The following VAPB variants were observed in gnomAD, a reference collection of about 807,000 sequenced individuals.
VAPB encodes the protein vesicle-associated membrane protein-associated protein B/C.
In VAPB, 7 loss-of-function variants were observed where a neutral mutation model predicts 25.6. That is an observed-to-expected ratio of 0.27 (90% CI 0.16 to 0.51). VAPB has a LOEUF of 0.51. Among genes scored for constraint, VAPB ranks in the 20% least tolerant of loss-of-function variants. VAPB has a pLI of 0.97. For synonymous variants in VAPB, 112 were observed against 109.2 expected, an observed-to-expected ratio of 1.03 and a Z score of -0.16; for missense variants, 266 against 301.3, an observed-to-expected ratio of 0.88 and a Z score of 0.87.
chr20:58,430,868 G>A (rs991389584), intron 2 of VAPB, among the ~76,000 whole-genome samples: 6 of 152,172 alleles, frequency 3.9e-5, no homozygotes, highest in East Asian at 1.9e-4. Flanking sequence ...GAGCCACTGC[G>A]CCCTGCTGCA....
At chr20:58,393,055 G>A (rs1281739457) in intron 1 of VAPB, among the ~76,000 whole-genome samples, 2 of 151,882 alleles carry the variant, frequency 1.3e-5, no homozygotes, top group Non-Finnish European at 2.9e-5. Context: ...TTGTTTTTTG[G>A]CAGGGTCTTG....
intron 4 of VAPB, chr20:58,439,385 T>A (rs1989113934): frequency 7.4e-6 from 2 of 269,138 alleles, no homozygotes; most frequent in Non-Finnish European, 1.4e-5. Flanking sequence ...TTGATGGACG[T>A]GTGGGAAGCT....
At chr20:58,410,360 G>A (rs372132154) in intron 1 of VAPB, among the ~76,000 whole-genome samples, 1 of 152,212 alleles carries the variant, frequency 6.6e-6, no homozygotes, top group Non-Finnish European at 1.5e-5. Context: ...TCCTAAAACT[G>A]CTCTATGCTC....
At chr20:58,408,352 G>T (rs1012539047) in intron 1 of VAPB, among the ~76,000 whole-genome samples, 17 of 152,136 alleles carry the variant, frequency 1.1e-4, no homozygotes, top group African/African-American at 4.1e-4. Flanking sequence ...TTTTTATGTG[G>T]TTATTTCAAA....
chr20:58,405,952 A>G (rs1988220655), intron 1 of VAPB, among the ~76,000 whole-genome samples: 1 of 151,886 alleles, frequency 6.6e-6, no homozygotes, highest in African/African-American at 2.4e-5. Context: ...CAGGGTTTCT[A>G]GATTAAATGT....
At chr20:58,400,606 A>T (rs1451297977) in intron 1 of VAPB, among the ~76,000 whole-genome samples, 2 of 152,136 alleles carry the variant, frequency 1.3e-5, no homozygotes, top group Non-Finnish European at 2.9e-5. Context: ...GTAAGCTCCT[A>T]TAGGTTTTTG....
Position 58,410,535 on chromosome 20 carries a change from G to GC in VAPB, c.59-7670dup, listed in dbSNP as rs570104014. On this transcript the variant is annotated intron_variant, in intron 1 of 5. Coordinates refer to ENST00000475243, the MANE Select transcript of VAPB (RefSeq NM_004738.5). ...GGGTTCAAACTGTTCTCCTGCCTCA[G>GC]CCCCCCGAGTTGCTGGGATTACAGG... Among the ~76,000 whole-genome samples, 797 of 152,114 alleles carry GC rather than the reference G, an allele frequency of 5.2e-3. 7 individuals carry two copies. The highest frequency in any genetic ancestry group is 0.018 in the African/African-American group (746 of 41,486).
intron 3 of VAPB, among the ~76,000 whole-genome samples, chr20:58,438,310 C>T (rs893336477): frequency 9.2e-5 from 14 of 152,186 alleles, no homozygotes; most frequent in African/African-American, 3.1e-4. Context: ...CAGAGTCTCT[C>T]AGTGTCCCCC....
chr20:58,434,472 C>T (rs963448067), intron 2 of VAPB, 130 bp from the exon 3 acceptor site: 50 of 681,524 alleles, frequency 7.3e-5, no homozygotes, highest in Non-Finnish European at 1.3e-4. Context: ...CTTACTTCAC[C>T]AGGGGCGTCC....
rs1988038350 is a variant in VAPB at position 58,399,263 on chromosome 20, G to A, written c.58+9746G>A. 4.6e-5 allele frequency among the ~76,000 whole-genome samples: 7 copies of A among 151,086 alleles called. 1 individual carries two copies. In the South Asian group the frequency reaches 1.5e-3, roughly 32 times the overall value. ...TGCAGTGAGCCGAGATCGTGCCATT[G>A]TACTCCAGCCTGGGCAACAAGAGCA... On this transcript the variant is annotated intron_variant, in intron 1 of 5. Coordinates refer to ENST00000475243, the MANE Select transcript of VAPB (RefSeq NM_004738.5).
In VAPB at chr20:58,444,122, C is replaced by T. The variant is rs1317822478; in HGVS notation, c.619C>T (p.Pro207Ser). ...RMRKTVQSNSPISALAPTGKE... is the reference protein window; with the variant it reads ...RMRKTVQSNSSISALAPTGKE... ...GAGGAAGACAGTGCAGAGCAACAGC[C>T]CCATTTCAGCATTAGCCCCAACTGG... Residue 207 changes from proline to serine, a missense_variant, in exon 6 of 6, where the codon CCC (proline) becomes TCC (serine). By Grantham distance (74) the Pro-to-Ser change is moderately conservative. Coordinates refer to ENST00000475243, the MANE Select transcript of VAPB (RefSeq NM_004738.5). 6.2e-7 allele frequency: 1 copy of T among 1,614,168 alleles called. No individual in the cohort carries two copies. Among genetic ancestry groups the T allele is most frequent in the South Asian group, 1.1e-5 (1 of 91,078 alleles).
At chr20:58,418,132 A>G (rs1988587042) in intron 1 of VAPB, 79 bp from the exon 2 acceptor site, 9 of 1,585,174 alleles carry the variant, frequency 5.7e-6, no homozygotes, top group Non-Finnish European at 7.8e-6. Context: ...TCCCTTAACT[A>G]TATTTACAGC....
chr20:58,406,179 G>A (rs371271732), intron 1 of VAPB, among the ~76,000 whole-genome samples: 2 of 152,164 alleles, frequency 1.3e-5, no homozygotes, highest in Non-Finnish European at 2.9e-5. Context: ...CTGGAGCTCA[G>A]GGGAGAGGGC....
At chr20:58,402,167 T>G (rs777017138) in intron 1 of VAPB, among the ~76,000 whole-genome samples, 1 of 152,224 alleles carries the variant, frequency 6.6e-6, no homozygotes, top group Non-Finnish European at 1.5e-5. Flanking sequence ...CCTGGAAAAT[T>G]ATCGATACTT....
intron 1 of VAPB, among the ~76,000 whole-genome samples, chr20:58,417,037 A>G (rs569722144): frequency 1.3e-5 from 2 of 152,344 alleles, no homozygotes; most frequent in East Asian, 3.8e-4. Context: ...GTGAACACAT[A>G]AGCGCACACC....
intron 1 of VAPB, among the ~76,000 whole-genome samples, chr20:58,416,265 C>T (rs1988537939): frequency 6.6e-6 from 1 of 152,156 alleles, no homozygotes; most frequent in South Asian, 2.1e-4. Context: ...TAGCAATTAA[C>T]TGTGATGTAA....
chr20:58,413,792 C>A (rs1988445440), intron 1 of VAPB, among the ~76,000 whole-genome samples: 1 of 150,316 alleles, frequency 6.7e-6, no homozygotes, highest in Non-Finnish European at 1.5e-5. Context: ...CCCCACCTCC[C>A]TCCCGGACGG....
chr20:58,433,289 TGAGG>T (rs1988965964), intron 2 of VAPB, among the ~76,000 whole-genome samples: 2 of 152,318 alleles, frequency 1.3e-5, no homozygotes, highest in South Asian at 4.1e-4. Context: ...ATTGTGACTT[TGAGG>T]GAGCCACTTC....
At chr20:58,437,769 A>AT (rs1479525188) in intron 3 of VAPB, among the ~76,000 whole-genome samples, 1 of 152,190 alleles carries the variant, frequency 6.6e-6, no homozygotes, top group Non-Finnish European at 1.5e-5. Flanking sequence ...CTTCAGCATC[A>AT]TTTGAGTGGC....
Sources: gnomAD v4.1 joint callset for allele counts (sites outside exome capture counted in the v4.1 genomes callset) on GRCh38, gnomAD v4.1.1 for gene constraint, MANE v1.5 for transcripts, NCBI Gene and HGNC (gene_info 2026-07-23, HGNC 2026-07-21) for gene names.